The following EVI5 variants were observed in gnomAD, a reference collection of about 807,000 sequenced individuals.
EVI5 encodes ecotropic viral integration site 5.
Under a neutral mutation model 112.0 loss-of-function variants are expected in EVI5, and 73 were observed. The observed-to-expected ratio is 0.65, with a 90% CI of 0.54 to 0.79. EVI5 has a LOEUF of 0.79. Among genes scored for constraint, EVI5 ranks in the 30% least tolerant of loss-of-function variants. The pLI, the probability that EVI5 is intolerant of heterozygous loss-of-function variation, is 0.00. For synonymous variants in EVI5, 305 were observed against 319.9 expected (o/e 0.95, Z 0.50); for missense variants, 900 against 968.8 (o/e 0.93, Z 0.94).
chr1:92,680,964 G>T (rs749614677), intron 9 of EVI5, among the ~76,000 whole-genome samples: 1 of 152,098 alleles, frequency 6.6e-6, no homozygotes, highest in Non-Finnish European at 1.5e-5. Context: ...TCCTACACAT[G>T]ATCCTAGAGC....
intron 18 of EVI5, among the ~76,000 whole-genome samples, chr1:92,579,072 G>C (rs535639330): frequency 1.2e-4 from 18 of 152,170 alleles, no homozygotes; most frequent in Non-Finnish European, 2.1e-4. Flanking sequence ...TGCTAGAATT[G>C]TTTTTCTAAA....
chr1:92,704,866 T>C (rs920962743), intron 2 of EVI5, 122 bp from the exon 3 acceptor site: 1 of 412,362 alleles, frequency 2.4e-6, no homozygotes, highest in Non-Finnish European at 4.2e-6. Flanking sequence ...GTTTTAATAA[T>C]ATACATAATT....
intron 18 of EVI5, among the ~76,000 whole-genome samples, chr1:92,598,466 T>C (rs951073154): frequency 6.6e-6 from 1 of 152,140 alleles, no homozygotes; most frequent in African/African-American, 2.4e-5. Context: ...CATAAGAGTC[T>C]AGTAACTAGA....
intron 13 of EVI5, among the ~76,000 whole-genome samples, chr1:92,648,128 C>T (rs11164789): frequency 0.58 from 77,360 of 133,612 alleles, 23,790 homozygotes; most frequent in East Asian, 0.92. Context: ...GGGTAGATTA[C>T]AAGGTCAGGA....
intron 1 of EVI5, among the ~76,000 whole-genome samples, chr1:92,748,930 G>T (rs539857062): frequency 3.3e-5 from 5 of 151,994 alleles, no homozygotes; most frequent in Non-Finnish European, 7.4e-5. Flanking sequence ...GCTGGGCGTG[G>T]TGGCGTATAT....
chr1:92,657,538 T>C (rs912786065), intron 13 of EVI5, among the ~76,000 whole-genome samples: 1 of 151,848 alleles, frequency 6.6e-6, no homozygotes, highest in African/African-American at 2.4e-5. Flanking sequence ...TGGTGTGTGC[T>C]TGTAGTCCCA....
intron 1 of EVI5, among the ~76,000 whole-genome samples, chr1:92,772,886 AC>A (rs1248386050): frequency 2.8e-5 from 4 of 141,876 alleles, no homozygotes; most frequent in African/African-American, 1.1e-4. Flanking sequence ...AGCCTGGGCG[AC>A]AAGAGAGAAA....
At chr1:92,571,121 CA>C (rs1486065329) in intron 18 of EVI5, among the ~76,000 whole-genome samples, 3 of 150,426 alleles carry the variant, frequency 2.0e-5, no homozygotes, top group African/African-American at 7.3e-5. Context: ...AAAACTTTTA[CA>C]AACAAAAAGT....
chr1:92,695,272 T>A, intron 7 of EVI5, 38 bp downstream of exon 7: 1 of 1,569,576 alleles, frequency 6.4e-7, no homozygotes, highest in Admixed American at 1.8e-5. Context: ...AGTGACCCCT[T>A]TGCTCAGCTC....
intron 1 of EVI5, among the ~76,000 whole-genome samples, chr1:92,737,736 CA>C (rs767941469): frequency 7.2e-5 from 11 of 152,134 alleles, no homozygotes; most frequent in Non-Finnish European, 1.3e-4. Flanking sequence ...CCACTTCCTC[CA>C]CTTCAATTTA....
At chr1:92,760,255 C>T (rs1681606850) in intron 1 of EVI5, among the ~76,000 whole-genome samples, 1 of 152,146 alleles carries the variant, frequency 6.6e-6, no homozygotes, top group Non-Finnish European at 1.5e-5. Flanking sequence ...CAACACAATG[C>T]TGAAGATATC....
At chr1:92,579,433 G>A (rs980603575) in intron 18 of EVI5, among the ~76,000 whole-genome samples, 1 of 151,950 alleles carries the variant, frequency 6.6e-6, no homozygotes. Context: ...GGAGACCAAG[G>A]TACAAAAAAT....
At chr1:92,752,198 G>A (rs368703283) in intron 1 of EVI5, among the ~76,000 whole-genome samples, 10 of 151,886 alleles carry the variant, frequency 6.6e-5, no homozygotes, top group African/African-American at 1.4e-4. Flanking sequence ...ATAAAATGAC[G>A]GAATCTCGCT....
chr1:92,594,907 T>C lies in EVI5; in HGVS notation c.2070+10400A>G, dbSNP rs376623756. On this transcript the variant is annotated intron_variant, in intron 18 of 19. Transcript: ENST00000684568. ...AGTTAGAATGGTGATCATTAAAAAG[T>C]CAGGAAACAACAGGTCCTGGAGAGG... Among the ~76,000 whole-genome samples, 21 of 152,286 alleles carry C rather than the reference T, an allele frequency of 1.4e-4. No individual in the cohort carries two copies. In the East Asian group the frequency reaches 2.7e-3, roughly 20 times the overall value.
In EVI5 at chr1:92,719,679, G is replaced by A. The variant is rs1201434316; in HGVS notation, c.150-14935C>T. Reference sequence around the variant, plus strand: ...TCTCTCCACTCCTATTCAACATACTGTTGGAAGTTCTCGCCAGGGTAATCA... The same window carrying A: ...TCTCTCCACTCCTATTCAACATACTATTGGAAGTTCTCGCCAGGGTAATCA... On this transcript the variant is annotated intron_variant, in intron 2 of 19. Coordinates refer to ENST00000684568, the MANE Select transcript of EVI5 (RefSeq NM_001350197.2). Among the ~76,000 whole-genome samples the A allele has an allele frequency of 1.1e-4, 16 of 151,948 alleles. 1 individual carries two copies.
intron 19 of EVI5, among the ~76,000 whole-genome samples, chr1:92,518,017 C>T (rs1256718372): frequency 6.6e-6 from 1 of 151,566 alleles, no homozygotes; most frequent in East Asian, 1.9e-4. Flanking sequence ...CCTGCTTCAG[C>T]CTCCCAAGTA....
chr1:92,554,132 G>A (rs962707088), intron 19 of EVI5, among the ~76,000 whole-genome samples: 1 of 152,210 alleles, frequency 6.6e-6, no homozygotes, highest in African/African-American at 2.4e-5. Context: ...GACAAATTCT[G>A]CAGTCTTAGA....
intron 19 of EVI5, among the ~76,000 whole-genome samples, chr1:92,542,648 G>A (rs1409401743): frequency 1.3e-5 from 2 of 152,080 alleles, no homozygotes; most frequent in Non-Finnish European, 2.9e-5. Flanking sequence ...AGCACTTGCT[G>A]CTTCACCTTG....
In EVI5 at chr1:92,548,936, C is replaced by A. The variant is rs146668832; in HGVS notation, c.2166+14706G>T. Among the ~76,000 whole-genome samples, 697 of 151,980 alleles carry A rather than the reference C, an allele frequency of 4.6e-3. 6 individuals are homozygous for A. Among genetic ancestry groups the A allele is most frequent in the African/African-American group, 0.016 (661 of 41,460 alleles). On this transcript the variant is annotated intron_variant, in intron 19 of 19. Coordinates refer to ENST00000684568, the MANE Select transcript of EVI5 (RefSeq NM_001350197.2). The stretch of plus-strand genomic sequence containing the variant: ...GCCACACTGCCCAAGGTAATTCATA[C>A]ATTCAATGCCATCCCCATCAAGCTA...
Sources: allele counts gnomAD v4.1 joint callset (sites outside exome capture counted in the v4.1 genomes callset), GRCh38; gene constraint gnomAD v4.1.1; transcripts MANE v1.5; gene names NCBI Gene and HGNC (gene_info 2026-07-23, HGNC 2026-07-21).